Variants in SHISAL1 observed in about 807,000 individuals in gnomAD.
SHISAL1 encodes shisa like 1, also known as protein shisa-like-1.
Under a neutral mutation model 22.6 loss-of-function variants are expected in SHISAL1, and 9 were observed. That is an observed-to-expected ratio of 0.40 (90% CI 0.24 to 0.70). The LOEUF (loss-of-function observed/expected upper bound fraction) is 0.70, where lower values mean the gene tolerates loss of function less well. SHISAL1 is among the 30% of genes least tolerant of loss of function. SHISAL1 has a pLI of 0.39. For synonymous variants in SHISAL1, 119 were observed against 115.4 expected (o/e 1.03, Z -0.20); for missense variants, 246 against 270.6 (o/e 0.91, Z 0.64).
chr22:44,260,941 G>A (rs974130983), intron 4 of SHISAL1, among the ~76,000 whole-genome samples: 3 of 151,946 alleles, frequency 2.0e-5, no homozygotes, highest in Non-Finnish European at 2.9e-5. Context: ...TCTGTTTGGG[G>A]ATGACAAGCA....
chr22:44,299,064 G>A (rs1245492905), intron 2 of SHISAL1, among the ~76,000 whole-genome samples: 10 of 152,328 alleles, frequency 6.6e-5, no homozygotes, highest in South Asian at 2.1e-4. Flanking sequence ...TCCCAGGAGC[G>A]TTTTGTAAAC....
At chr22:44,263,478 A>G (rs2055140511) in intron 4 of SHISAL1, among the ~76,000 whole-genome samples, 1 of 152,194 alleles carries the variant, frequency 6.6e-6, no homozygotes, top group Non-Finnish European at 1.5e-5. Flanking sequence ...GACATCAAGG[A>G]ACCTATCTGG....
intron 2 of SHISAL1, 24 bp from the exon 3 acceptor site, chr22:44,296,909 C>G: frequency 6.3e-7 from 1 of 1,592,228 alleles, no homozygotes; most frequent in Non-Finnish European, 8.6e-7. Context: ...TCACCAGGCT[C>G]AGAGGGGTCC....
chr22:44,284,897 G>GCCTGCCTGCCTGCCTGCCTGCCTT (rs570595554), intron 4 of SHISAL1, among the ~76,000 whole-genome samples: 24 of 134,592 alleles, frequency 1.8e-4, no homozygotes, highest in African/African-American at 6.8e-4. Context: ...CTGCCTTCCT[G>GCCTGCCTGCCTGCCTGCCTGCCTT]CCTTCCTTCC....
At chr22:44,302,423 A>AAT (rs2055437537) in intron 1 of SHISAL1, among the ~76,000 whole-genome samples, 1 of 151,960 alleles carries the variant, frequency 6.6e-6, no homozygotes, top group African/African-American at 2.4e-5. Flanking sequence ...ATAAAAAAAA[A>AAT]TTTTTAATGT....
chr22:44,317,430 C>T (rs1398713579), upstream of SHISAL1, among the ~76,000 whole-genome samples: 1 of 152,188 alleles, frequency 6.6e-6, no homozygotes, highest in African/African-American at 2.4e-5. Context: ...AAGTGGCTCT[C>T]GGCTGCCTTC....
At chr22:44,257,257 T>G (rs1221363795) in intron 4 of SHISAL1, among the ~76,000 whole-genome samples, 1 of 152,186 alleles carries the variant, frequency 6.6e-6, no homozygotes, top group African/African-American at 2.4e-5. Context: ...ACAAGCACAT[T>G]AATCACAGAA....
intron 3 of SHISAL1, among the ~76,000 whole-genome samples, chr22:44,289,245 G>A (rs1431059368): frequency 6.6e-6 from 1 of 152,198 alleles, no homozygotes; most frequent in Non-Finnish European, 1.5e-5. Context: ...CACACAGCTG[G>A]TGAGTGGCAG....
intron 4 of SHISAL1, among the ~76,000 whole-genome samples, chr22:44,265,533 CCCAAGCCAGGAGACT>C (rs1436737622): frequency 1.6e-4 from 24 of 152,020 alleles, no homozygotes; most frequent in Non-Finnish European, 2.4e-4. Flanking sequence ...CTGAGAGACC[CCCAAGCCAGGAGACT>C]CCAAGCCAGG....
chr22:44,265,297 G>C (rs2055154319), intron 4 of SHISAL1, among the ~76,000 whole-genome samples: 1 of 152,066 alleles, frequency 6.6e-6, no homozygotes, highest in Non-Finnish European at 1.5e-5. Flanking sequence ...AAGACTGTGG[G>C]TTCCACCGGG....
the SHISAL1 span, among the ~76,000 whole-genome samples, chr22:44,327,969 C>T: frequency 2.0e-5 from 3 of 151,952 alleles, no homozygotes; most frequent in South Asian, 2.1e-4. Context: ...CTCTTGGGGG[C>T]GCTGGGGAAG....
At chr22:44,317,234 G>A (rs544434336), upstream of SHISAL1, among the ~76,000 whole-genome samples, 7 of 152,346 alleles carry the variant, frequency 4.6e-5, no homozygotes, top group South Asian at 2.1e-4. Flanking sequence ...TCCGAGAGCC[G>A]GGCCAGGATG....
chr22:44,269,173 A>G (rs925919798), intron 4 of SHISAL1, among the ~76,000 whole-genome samples: 2 of 150,952 alleles, frequency 1.3e-5, no homozygotes, highest in African/African-American at 4.9e-5. Context: ...GATCCACACA[A>G]TATCACATAC....
At chr22:44,261,105 T>C (rs1162022316) in intron 4 of SHISAL1, among the ~76,000 whole-genome samples, 1 of 89,628 alleles carries the variant, frequency 1.1e-5, no homozygotes, top group Admixed American at 9.6e-5. Context: ...ATATACACTA[T>C]ATGGATTCTC....
chr22:44,268,104 G>T (rs116473395), intron 4 of SHISAL1, among the ~76,000 whole-genome samples: 1 of 152,154 alleles, frequency 6.6e-6, no homozygotes, highest in Admixed American at 6.5e-5. Context: ...CCTGATGTTC[G>T]GTCACTTCTC....
chr22:44,298,423 G>A (rs933055790), intron 2 of SHISAL1, among the ~76,000 whole-genome samples: 3 of 152,222 alleles, frequency 2.0e-5, no homozygotes, highest in South Asian at 2.1e-4. Flanking sequence ...GGTAGGCCCC[G>A]CCGTCTGTCC....
chr22:44,289,308 G>A (rs1303128653), intron 3 of SHISAL1, among the ~76,000 whole-genome samples: 2 of 152,158 alleles, frequency 1.3e-5, no homozygotes, highest in Admixed American at 1.3e-4. Context: ...CTGATCTTGG[G>A]GGAATTCCAT....
At chr22:44,251,344 A>G (rs1227508693) in intron 4 of SHISAL1, among the ~76,000 whole-genome samples, 1 of 152,240 alleles carries the variant, frequency 6.6e-6, no homozygotes, top group Non-Finnish European at 1.5e-5. Flanking sequence ...TGTTGAACAG[A>G]TTTTTGAATT....
At chr22:44,277,843 C>T (rs1044241395) in intron 4 of SHISAL1, among the ~76,000 whole-genome samples, 6 of 152,148 alleles carry the variant, frequency 3.9e-5, no homozygotes, top group Admixed American at 2.6e-4. Flanking sequence ...AGAGGCTCGA[C>T]GGGACATAAT....
Sources: allele counts gnomAD v4.1 joint callset (sites outside exome capture counted in the v4.1 genomes callset), GRCh38; gene constraint gnomAD v4.1.1; transcripts MANE v1.5; gene names NCBI Gene and HGNC (gene_info 2026-07-23, HGNC 2026-07-21).